Variants in FOXP2 observed in about 807,000 individuals in gnomAD.
The protein encoded by FOXP2 is forkhead box protein P2.
In FOXP2, 12 loss-of-function variants were observed where a neutral mutation model predicts 115.8. The ratio of observed to expected loss-of-function variants is 0.10; its 90% CI spans 0.07 to 0.17. FOXP2 has a LOEUF of 0.17. Ranked by LOEUF, FOXP2 falls within the 10% of genes least tolerant of loss-of-function variation. The pLI, the probability that FOXP2 is intolerant of heterozygous loss-of-function variation, is 1.00. For missense variants in FOXP2, 629 were observed against 843.5 expected (o/e 0.75, Z 3.15); for synonymous variants, 328 against 297.7 (o/e 1.10, Z -1.05).
chr7:114,404,340 T>TA (rs1365006903), intron 2 of FOXP2, among the ~76,000 whole-genome samples: 7 of 152,178 alleles, frequency 4.6e-5, no homozygotes, highest in African/African-American at 1.7e-4. Context: ...TAAACGTTTG[T>TA]AACGGAAAAT....
At chr7:114,205,580 A>T (rs1176556420) in intron 1 of FOXP2, among the ~76,000 whole-genome samples, 5 of 152,206 alleles carry the variant, frequency 3.3e-5, no homozygotes, top group Non-Finnish European at 7.3e-5. Context: ...AAGTCAGGTC[A>T]TATATTGAAT....
chr7:114,125,097 T>C (rs1176615947), intron 1 of FOXP2, among the ~76,000 whole-genome samples: 1 of 152,132 alleles, frequency 6.6e-6, no homozygotes, highest in Non-Finnish European at 1.5e-5. Context: ...ACTCAGCCTT[T>C]GGCTAGTTTG....
At chr7:114,626,471 G>A (rs991658308) in intron 3 of FOXP2, among the ~76,000 whole-genome samples, 2 of 151,690 alleles carry the variant, frequency 1.3e-5, no homozygotes, top group Admixed American at 6.6e-5. Context: ...AAAATAAGGA[G>A]CGGTTATGTA....
At chr7:114,589,836 T>G (rs764691437) in intron 3 of FOXP2, among the ~76,000 whole-genome samples, 2 of 152,204 alleles carry the variant, frequency 1.3e-5, no homozygotes, top group Non-Finnish European at 2.9e-5. Flanking sequence ...CATACTCTTT[T>G]GTTTGTCAAC....
chr7:114,516,503 T>C (rs1411581755), intron 2 of FOXP2, among the ~76,000 whole-genome samples: 2 of 152,140 alleles, frequency 1.3e-5, no homozygotes, highest in Non-Finnish European at 2.9e-5. Flanking sequence ...CATACTAATT[T>C]CATTCCATTT....
At chr7:114,599,529 A>G (rs1315973851) in intron 3 of FOXP2, among the ~76,000 whole-genome samples, 1 of 152,050 alleles carries the variant, frequency 6.6e-6, no homozygotes, top group East Asian at 1.9e-4. Context: ...GATTATATGG[A>G]TTTTCTACTA....
At chr7:114,152,531 C>G (rs1054477088) in intron 1 of FOXP2, among the ~76,000 whole-genome samples, 1 of 152,122 alleles carries the variant, frequency 6.6e-6, no homozygotes, top group African/African-American at 2.4e-5. Context: ...TTTGCATATG[C>G]AAATCTGTTG....
At chr7:114,390,724 T>G (rs1792575845) in intron 2 of FOXP2, among the ~76,000 whole-genome samples, 1 of 151,854 alleles carries the variant, frequency 6.6e-6, no homozygotes, top group African/African-American at 2.4e-5. Context: ...CTAGCTGATT[T>G]TTTTTTTTCT....
At chr7:114,539,368 G>A (rs1247252061) in intron 3 of FOXP2, among the ~76,000 whole-genome samples, 3 of 151,854 alleles carry the variant, frequency 2.0e-5, no homozygotes, top group Non-Finnish European at 4.4e-5. Flanking sequence ...AGAAGAAGTG[G>A]AGAGAAGCTA....
At chr7:114,682,350 A>G (rs946470430) in intron 16 of FOXP2, among the ~76,000 whole-genome samples, 4 of 152,206 alleles carry the variant, frequency 2.6e-5, no homozygotes, top group African/African-American at 9.6e-5. Context: ...TACTAAATAC[A>G]TAAAATGCAT....
intron 3 of FOXP2, among the ~76,000 whole-genome samples, chr7:114,603,774 G>A (rs1803159019): frequency 6.6e-6 from 1 of 152,188 alleles, no homozygotes; most frequent in Admixed American, 6.5e-5. Flanking sequence ...CCATGGAAAA[G>A]TAAGGCTGAA....
chr7:114,580,333 T>C (rs1563012707), intron 3 of FOXP2, among the ~76,000 whole-genome samples: 2 of 152,170 alleles, frequency 1.3e-5, no homozygotes, highest in Non-Finnish European at 2.9e-5. Context: ...ATCCCAGCAC[T>C]TTGGGAGGCT....
chr7:114,592,448 A>G (rs1802486342), intron 3 of FOXP2, among the ~76,000 whole-genome samples: 1 of 152,062 alleles, frequency 6.6e-6, no homozygotes, highest in African/African-American at 2.4e-5. Context: ...AAAAGCAGAT[A>G]CAAATGGCTA....
chr7:114,207,432 G>A (rs1017593019), intron 1 of FOXP2, among the ~76,000 whole-genome samples: 16 of 152,106 alleles, frequency 1.1e-4, no homozygotes, highest in Admixed American at 8.5e-4. Context: ...TATCCTAAGT[G>A]GGTATGAAGT....
At chr7:114,597,297 T>G (rs1037300906) in intron 3 of FOXP2, among the ~76,000 whole-genome samples, 1 of 152,124 alleles carries the variant, frequency 6.6e-6, no homozygotes, top group Admixed American at 6.6e-5. Context: ...CTCTTCATAC[T>G]TATACAGTTC....
chr7:114,658,632 G>A lies in FOXP2; in HGVS notation c.1468+365G>A, dbSNP rs890833951. ...TTTTAAAGGACATATACGAAACACCGTTGCTTTATGCAAGACAGTTCGAGG... is the reference window on the plus strand; with the variant it reads ...TTTTAAAGGACATATACGAAACACCATTGCTTTATGCAAGACAGTTCGAGG... On this transcript the variant is annotated intron_variant, in intron 11 of 16. Coordinates refer to ENST00000350908, the MANE Select transcript of FOXP2 (RefSeq NM_014491.4). 9.9e-5 allele frequency among the ~76,000 whole-genome samples: 15 copies of A among 152,272 alleles called. No homozygotes were observed. In the South Asian group the frequency reaches 1.0e-3, roughly 11 times the overall value.
At chr7:114,318,093 T>G (rs1797316508) in intron 2 of FOXP2, among the ~76,000 whole-genome samples, 1 of 152,220 alleles carries the variant, frequency 6.6e-6, no homozygotes, top group Non-Finnish European at 1.5e-5. Flanking sequence ...TTTCACATTT[T>G]TCTCATTTCT....
chr7:114,484,193 G>A (rs1019003060), intron 2 of FOXP2, among the ~76,000 whole-genome samples: 2 of 151,756 alleles, frequency 1.3e-5, no homozygotes, highest in Non-Finnish European at 3.0e-5. Flanking sequence ...TTTAGTTGCA[G>A]TGACATTTTT....
At chr7:114,459,141 C>T (rs1269249176) in intron 2 of FOXP2, among the ~76,000 whole-genome samples, 1 of 152,194 alleles carries the variant, frequency 6.6e-6, no homozygotes, top group East Asian at 1.9e-4. Context: ...GAAAAAGCAG[C>T]CAGTCCTCTT....
Sources: allele counts gnomAD v4.1 joint callset (sites outside exome capture counted in the v4.1 genomes callset), GRCh38; gene constraint gnomAD v4.1.1; transcripts MANE v1.5; gene names NCBI Gene and HGNC (gene_info 2026-07-23, HGNC 2026-07-21).